The following USH2A variants were observed in gnomAD, a reference collection of about 807,000 sequenced individuals.
The protein encoded by USH2A is Usher syndrome 2A (autosomal recessive, mild).
A neutral mutation model predicts 538.9 loss-of-function variants in USH2A; 443 were observed. The ratio of observed to expected loss-of-function variants is 0.82; its 90% CI spans 0.76 to 0.89. The LOEUF is 0.89. Ranked by LOEUF, USH2A falls within the 40% of genes least tolerant of loss-of-function variation. The probability of loss-of-function intolerance (pLI) is 0.00; values close to 1 mark genes in which losing one functional copy is unlikely to be tolerated. For missense variants in USH2A, 6,633 were observed against 6,324.8 expected, an observed-to-expected ratio of 1.05 and a Z score of -1.65; for synonymous variants, 2,413 against 2,273.5, an observed-to-expected ratio of 1.06 and a Z score of -1.75.
At chr1:215,975,338 T>C (rs1667596616) in intron 35 of USH2A, among the ~76,000 whole-genome samples, 1 of 152,020 alleles carries the variant, frequency 6.6e-6, no homozygotes, top group African/African-American at 2.4e-5. Flanking sequence ...TAATTAGGTT[T>C]ATCTTGTCAA....
chr1:215,972,577 T>A (rs116612550), intron 35 of USH2A, among the ~76,000 whole-genome samples: 2 of 152,202 alleles, frequency 1.3e-5, no homozygotes, highest in African/African-American at 4.8e-5. Context: ...TTTTCTCTTA[T>A]ACCAATCAGA....
intron 21 of USH2A, among the ~76,000 whole-genome samples, chr1:216,156,787 T>C (rs922426891): frequency 5.3e-5 from 8 of 151,954 alleles, no homozygotes; most frequent in Admixed American, 2.6e-4. Context: ...AGTTCTAATA[T>C]GCAGAACCTA....
At chr1:216,349,222 T>C (rs918497404) in intron 4 of USH2A, among the ~76,000 whole-genome samples, 2 of 152,094 alleles carry the variant, frequency 1.3e-5, no homozygotes, top group African/African-American at 4.8e-5. Context: ...GAGACCCTAA[T>C]TGTTAGGCAG....
intron 32 of USH2A, among the ~76,000 whole-genome samples, chr1:216,041,519 C>T (rs2030273461): frequency 6.6e-6 from 1 of 151,834 alleles, no homozygotes; most frequent in Non-Finnish European, 1.5e-5. Flanking sequence ...TATATGGAAA[C>T]CTAAAGGGAA....
chr1:215,902,692 T>C (rs1004224546), intron 38 of USH2A, among the ~76,000 whole-genome samples: 5 of 152,044 alleles, frequency 3.3e-5, no homozygotes, highest in Non-Finnish European at 5.9e-5. Context: ...AGGAAGAAAA[T>C]GCAATTCAGT....
At position 215,671,313 on chromosome 1, in the gene USH2A, A is replaced by C. The variant is rs1295988702; in HGVS notation, c.13812-20T>G. The C allele has an allele frequency of 1.2e-6, 2 of 1,613,506 alleles. No individual in the cohort carries two copies. The highest frequency in any genetic ancestry group is 3.3e-5 in the Admixed American group (2 of 59,980). Reference sequence around the variant, plus strand: ...TCATACCTTCAGGACATAAGGCAGAAATTAGTGATTTTCAGCAAAATAGAT... The same window carrying C: ...TCATACCTTCAGGACATAAGGCAGACATTAGTGATTTTCAGCAAAATAGAT... On this transcript the variant is annotated intron_variant, in intron 63 of 71. Coordinates refer to ENST00000307340, the MANE Select transcript of USH2A (RefSeq NM_206933.4).
At chr1:216,267,169 G>C (rs2036489468) in intron 11 of USH2A, among the ~76,000 whole-genome samples, 2 of 152,030 alleles carry the variant, frequency 1.3e-5, no homozygotes, top group African/African-American at 4.8e-5. Flanking sequence ...GGATATGGGA[G>C]GAAAACCCGG....
chr1:216,010,831 C>T (rs1251755019), intron 32 of USH2A, among the ~76,000 whole-genome samples: 4 of 151,860 alleles, frequency 2.6e-5, no homozygotes, highest in Non-Finnish European at 5.9e-5. Context: ...TCATTGCTGC[C>T]CCTCTTCCCA....
At chr1:216,236,195 T>C (rs2035813003) in intron 13 of USH2A, among the ~76,000 whole-genome samples, 1 of 152,084 alleles carries the variant, frequency 6.6e-6, no homozygotes. Context: ...GCTTTAAATG[T>C]TCTGCTGTTA....
chr1:216,231,267 T>TGTGGG (rs1273002623), intron 14 of USH2A, among the ~76,000 whole-genome samples: 2 of 111,916 alleles, frequency 1.8e-5, no homozygotes, highest in African/African-American at 6.2e-5. Flanking sequence ...ATAATATATA[T>TGTGGG]ATATAATATA....
intron 32 of USH2A, among the ~76,000 whole-genome samples, chr1:216,017,724 A>G (rs906613328): frequency 6.6e-6 from 1 of 152,190 alleles, no homozygotes; most frequent in African/African-American, 2.4e-5. Context: ...TTCAGTAATA[A>G]TCATGGCTAT....
chr1:216,104,023 C>T lies in USH2A; in HGVS notation c.4628-6810G>A, dbSNP rs560738782. On this transcript the variant is annotated intron_variant, in intron 21 of 71. Coordinates refer to ENST00000307340, the MANE Select transcript of USH2A (RefSeq NM_206933.4). ...AAGTTAAACATATACCTAGCCGAAT[C>T]CAGTCTTTGACTTACCTTTTCATTT... 3.3e-5 allele frequency among the ~76,000 whole-genome samples: 5 copies of T among 152,066 alleles called. No individual in the cohort carries two copies. In the South Asian group the frequency reaches 1.0e-3, roughly 32 times the overall value.
chr1:216,080,741 G>A (rs972828636), intron 26 of USH2A, among the ~76,000 whole-genome samples: 11 of 151,206 alleles, frequency 7.3e-5, no homozygotes, highest in Non-Finnish European at 1.5e-4. Context: ...AGTTCTTACA[G>A]AGGAAGGGAT....
chr1:216,143,972 G>A (rs898694684), intron 21 of USH2A, among the ~76,000 whole-genome samples: 2 of 152,152 alleles, frequency 1.3e-5, no homozygotes, highest in African/African-American at 4.8e-5. Flanking sequence ...CAGGAACCCA[G>A]TAGCTATATC....
intron 11 of USH2A, among the ~76,000 whole-genome samples, chr1:216,258,013 TG>T (rs2036291859): frequency 1.3e-5 from 2 of 152,234 alleles, no homozygotes; most frequent in South Asian, 4.1e-4. Context: ...CTCACAATTC[TG>T]GATCAATTTT....
At chr1:216,041,467 A>G (rs2030271088) in intron 32 of USH2A, among the ~76,000 whole-genome samples, 1 of 152,106 alleles carries the variant, frequency 6.6e-6, no homozygotes, top group African/African-American at 2.4e-5. Context: ...CCCCCATGGC[A>G]GCAAGATCCA....
chr1:215,643,693 TTA>T (rs1491502717), intron 67 of USH2A, among the ~76,000 whole-genome samples: 8 of 151,906 alleles, frequency 5.3e-5, no homozygotes, highest in African/African-American at 1.9e-4. Flanking sequence ...ACCTGGCTAT[TTA>T]AAAAAAAAAT....
intron 12 of USH2A, among the ~76,000 whole-genome samples, chr1:216,249,782 A>C (rs1291619096): frequency 6.6e-6 from 1 of 152,118 alleles, no homozygotes; most frequent in Non-Finnish European, 1.5e-5. Flanking sequence ...TAAAAGATAA[A>C]GAATTAGATT....
At chr1:215,971,212 C>G (rs1667487512) in intron 35 of USH2A, among the ~76,000 whole-genome samples, 1 of 152,112 alleles carries the variant, frequency 6.6e-6, no homozygotes, top group Admixed American at 6.6e-5. Flanking sequence ...GTTCTAAGCA[C>G]CTGGTACACA....
Sources: allele counts gnomAD v4.1 joint callset (sites outside exome capture counted in the v4.1 genomes callset), GRCh38; gene constraint gnomAD v4.1.1; transcripts MANE v1.5; gene names NCBI Gene and HGNC (gene_info 2026-07-23, HGNC 2026-07-21).